SON: variants seen among roughly 807,000 people sequenced by gnomAD.
The protein encoded by SON is SON DNA and RNA binding protein, also known as protein SON.
Under a neutral mutation model 173.3 loss-of-function variants are expected in SON, and 4 were observed. The observed-to-expected ratio is 0.02, with a 90% CI of 0.01 to 0.05. SON has a LOEUF of 0.05. Ranked by LOEUF, SON falls within the 10% of genes least tolerant of loss-of-function variation. The pLI is 1.00. For synonymous variants in SON, 1,190 were observed against 1,105.9 expected (o/e 1.08, Z -1.51); for missense variants, 2,626 against 3,055.3 (o/e 0.86, Z 3.31).
chr21:33,550,792 A>G lies in SON; in HGVS notation c.1561A>G (p.Thr521Ala), dbSNP rs373026460. 4.2e-5 allele frequency: 67 copies of G among 1,613,974 alleles called. No homozygotes were observed. The highest frequency in any genetic ancestry group is 2.1e-4 in the South Asian group (19 of 91,086). ...GTTGGAGCAGCCTGTGGGGATGACA[A>G]CGGTGGAACATCCTGGGCATCCTGA... The part of the protein sequence containing the change: ...TELEQPVGMT[T>A]VEHPGHPEVT... The change falls in exon 3 of 12, where the codon ACG (threonine) becomes GCG (alanine). Residue 521 changes from threonine (T) to alanine (A), a missense_variant. Coordinates refer to ENST00000356577, the MANE Select transcript of SON (RefSeq NM_138927.4).
In SON at chr21:33,553,405, C is replaced by A. The variant is rs1308749128; in HGVS notation, c.4174C>A (p.Pro1392Thr). The A allele has an allele frequency of 3.7e-6, 6 of 1,613,740 alleles. No individual in the cohort carries two copies. The highest frequency in any genetic ancestry group is 5.1e-6 in the Non-Finnish European group (6 of 1,179,748). ...CCTGGAGCCTTCGGTTGTGACTGTC[C>A]CGGAGCCTCCTGTTGTGGCTGAGCC... ...TVLEPSVVTV[P>T]EPPVVAEPDY... Residue 1392 changes from proline to threonine, a missense_variant, in exon 3 of 12, where the codon CCG becomes ACG. Around this residue, in one of 13 missense-constraint regions of SON, gnomAD observed 1,006 missense variants for 895.6 expected, o/e 1.12. Coordinates refer to ENST00000356577, the MANE Select transcript of SON (RefSeq NM_138927.4).
chr21:33,569,951 A>AT, intron 8 of SON: 1 of 163,690 alleles, frequency 6.1e-6, no homozygotes, highest in Non-Finnish European at 1.3e-5. Flanking sequence ...CTGGTTTCAG[A>AT]TTCTGCAGTG....
intron 8 of SON, chr21:33,572,137 ACTCT>A (rs755858171): frequency 4.7e-5 from 7 of 149,404 alleles, no homozygotes; most frequent in African/African-American, 9.8e-5. Context: ...AAGTTTTTTT[ACTCT>A]CTCTGTTGAT....
intron 4 of SON, 185 bp downstream of exon 4, chr21:33,557,501 A>C: frequency 6.4e-7 from 1 of 1,550,964 alleles, no homozygotes. Context: ...GGGATGGCTA[A>C]GCTCCGCTAG....
rs879238862 is a variant in SON, at chr21:33,551,727, C to T, written c.2496C>T (p.Asp832=). The part of the protein sequence containing the change: ...DSQMLATSSM[D]SQMLATSTMD... The stretch of plus-strand genomic sequence containing the variant: ...AGATGTTAGCAACCAGCTCCATGGA[C>T]TCCCAGATGTTAGCAACCAGCACCA... Residue 832 remains aspartate, a synonymous_variant, in exon 3 of 12, where the codon GAC becomes GAT. Transcript: ENST00000356577. 3.3e-5 allele frequency: 53 copies of T among 1,612,354 alleles called. 1 individual carries two copies. In the South Asian group the frequency reaches 5.6e-4, roughly 17 times the overall value.
intron 6 of SON, among the ~76,000 whole-genome samples, chr21:33,566,421 T>G (rs1253918187): frequency 1.3e-5 from 2 of 152,070 alleles, no homozygotes; most frequent in Non-Finnish European, 2.9e-5. Flanking sequence ...AAAAAAAAGT[T>G]TCTTCCACTT....
Position 33,559,328 on chromosome 21 carries a change from T to A in SON, c.6420T>A (p.His2140Gln). 6.2e-7 allele frequency: 1 copy of A among 1,613,116 alleles called. No individual in the cohort carries two copies. The highest frequency in any genetic ancestry group is 8.5e-7 in the Non-Finnish European group (1 of 1,179,582). ...DEEEEEPPFYHHPFKLSEPKP... is the reference protein window; with the variant it reads ...DEEEEEPPFYQHPFKLSEPKP... ...AGGAAGAAGAACCTCCTTTTTATCA[T>A]CATCCCTTTAAACTCAGTGAACCCA... is the stretch of plus-strand genomic sequence containing the variant. Residue 2140 changes from histidine (H) to glutamine (Q), a missense_variant, in exon 5 of 12, where the codon CAT becomes CAA. By Grantham distance (24) the His-to-Gln change is conservative (BLOSUM62 0). This residue lies in a region of SON where 75 missense variants were observed against 201.6 expected (regional missense o/e 0.37). Transcript: ENST00000356577. This position sits in a 1 kb window ranked among gnomAD's most constrained non-coding sequence, Gnocchi z 4.1.
rs748727536 is a variant in SON at position 33,551,064 on chromosome 21, G to A, written c.1833G>A (p.Gln611=). The A allele has an allele frequency of 6.2e-7, 1 of 1,612,752 alleles. No homozygotes were observed. The highest frequency in any genetic ancestry group is 8.5e-7 in the Non-Finnish European group (1 of 1,179,428). ...MAAGALEFSG[Q]SGAAGALELL... ...CTGGGGCACTGGAGTTCTCGGGGCA[G>A]TCTGGGGCAGCTGGAGCACTGGAGC... Residue 611 remains glutamine (Q), a synonymous_variant, in exon 3 of 12, where the codon CAG becomes CAA. Coordinates refer to ENST00000356577, the MANE Select transcript of SON (RefSeq NM_138927.4).
chr21:33,575,529 C>G (rs2086380481), intron 9 of SON, 67 bp from the exon 10 acceptor site: 1 of 1,209,722 alleles, frequency 8.3e-7, no homozygotes, highest in Non-Finnish European at 1.2e-6. Flanking sequence ...GTTCAGACTC[C>G]TACAGAGGGA....
At position 33,552,784 on chromosome 21, in the gene SON, G is replaced by A. The variant is rs1449947727; in HGVS notation, c.3553G>A (p.Glu1185Lys). ...ACCAGAGGGTCCAGCATTGCCCACTGAGCAGTCAGCATTAACAGCTGAAAA... is the reference window on the plus strand; with the variant it reads ...ACCAGAGGGTCCAGCATTGCCCACTAAGCAGTCAGCATTAACAGCTGAAAA... The part of the protein sequence containing the change: ...EPPEGPALPT[E>K]QSALTAENTW... Residue 1185 changes from glutamate to lysine, a missense_variant, in exon 3 of 12, where the codon GAG becomes AAG. This residue lies in a region of SON where 1,006 missense variants were observed against 895.6 expected (regional missense o/e 1.12). Coordinates refer to ENST00000356577, the MANE Select transcript of SON (RefSeq NM_138927.4). This position sits in a 1 kb window ranked among gnomAD's most constrained non-coding sequence, Gnocchi z 5.6. The A allele has an allele frequency of 1.2e-6, 2 of 1,613,668 alleles. No individual in the cohort carries two copies. Among genetic ancestry groups the A allele is most frequent in the Non-Finnish European group, 1.7e-6 (2 of 1,180,040 alleles).
chr21:33,567,886 C>G (rs574478961), intron 7 of SON, among the ~76,000 whole-genome samples: 14 of 152,142 alleles, frequency 9.2e-5, no homozygotes, highest in Admixed American at 7.9e-4. Context: ...GTACTCCAGC[C>G]TGGGCAACAG....
rs779497237 is a variant in SON, at chr21:33,550,325, C to T, written c.1094C>T (p.Pro365Leu). 2 of 1,614,022 alleles carry T rather than the reference C, an allele frequency of 1.2e-6. No individual in the cohort carries two copies. The highest frequency in any genetic ancestry group is 2.2e-5 in the East Asian group (1 of 44,878). ...MTRPQELPELPKTTALELQES... is the reference protein window; with the variant it reads ...MTRPQELPELLKTTALELQES... ...AGACCGCAGGAGTTGCCGGAGCTGC[C>T]TAAGACCACAGCGTTGGAGCTGCAG... Residue 365 changes from proline (P) to leucine (L), a missense_variant, in exon 3 of 12, where the codon CCT becomes CTT. Pro to Leu is a moderately conservative substitution (Grantham distance 98). This residue lies in a region of SON where 757 missense variants were observed against 730.1 expected (regional missense o/e 1.04). Coordinates refer to ENST00000356577, the MANE Select transcript of SON (RefSeq NM_138927.4).
Position 33,543,064 on chromosome 21 carries a change from G to A in SON, c.-29G>A, listed in dbSNP as rs758341601. ...TGCTGGGAGCCTGGAGGACTAGCGA[G>A]GAGGAGTTGAGAGAACGGAGCGGAC... is the stretch of plus-strand genomic sequence containing the variant. On this transcript the variant is annotated 5_prime_UTR_variant, in exon 1 of 12. Coordinates refer to ENST00000356577, the MANE Select transcript of SON (RefSeq NM_138927.4). 12 of 1,609,320 alleles carry A rather than the reference G, an allele frequency of 7.5e-6. No homozygotes were observed. The highest frequency in any genetic ancestry group is 2.2e-5 in the East Asian group (1 of 44,888).
At chr21:33,563,181 T>G (rs2145858786) in intron 6 of SON, among the ~76,000 whole-genome samples, 1 of 152,290 alleles carries the variant, frequency 6.6e-6, no homozygotes, top group South Asian at 2.1e-4. Flanking sequence ...CCTTCCTAGA[T>G]TCTCTTATGT....
intron 8 of SON, 200 bp downstream of exon 8, chr21:33,569,287 G>T: frequency 1.9e-6 from 1 of 524,896 alleles, no homozygotes; most frequent in East Asian, 3.4e-5. Flanking sequence ...TGGCTCAAGA[G>T]CCACTAACTT....
Position 33,555,395 on chromosome 21 carries a change from A to ATCT in SON, c.6160+4_6160+5insTCT. 2.0e-6 allele frequency: 3 copies of ATCT among 1,507,142 alleles called. No individual in the cohort carries two copies. Among genetic ancestry groups the ATCT allele is most frequent in the Non-Finnish European group, 1.8e-6 (2 of 1,123,142 alleles). The allele number at this position is 1,507,142 out of a possible 1,614,324, so 93.4% of individuals were successfully genotyped here. Reference sequence around the variant, plus strand: ...CCCAAACGTCTGACAGATTTGGGTGAGTCATTTTAAAGTTTAATGGGATGG... The same window carrying ATCT: ...CCCAAACGTCTGACAGATTTGGGTGATCTGTCATTTTAAAGTTTAATGGGATGG... On this transcript the variant is annotated splice_donor_region_variant and intron_variant, in intron 3 of 11. Transcript: ENST00000356577.
chr21:33,564,348 G>A (rs2086123952), intron 6 of SON, among the ~76,000 whole-genome samples: 2 of 152,178 alleles, frequency 1.3e-5, no homozygotes, highest in African/African-American at 4.8e-5. Context: ...CTAAAGGGTA[G>A]CTGTGGTATT....
intron 6 of SON, among the ~76,000 whole-genome samples, chr21:33,561,953 G>C (rs528626080): frequency 6.6e-6 from 1 of 152,224 alleles, no homozygotes; most frequent in East Asian, 1.9e-4. Flanking sequence ...GTAACTATTT[G>C]ATATAAAACC....
chr21:33,572,378 C>G, intron 8 of SON: 1 of 317,174 alleles, frequency 3.2e-6, no homozygotes, highest in Non-Finnish European at 6.5e-6. Context: ...TATTTCTTAA[C>G]CTGTAAAAAT....
Sources: allele counts gnomAD v4.1 joint callset (sites outside exome capture counted in the v4.1 genomes callset), GRCh38; gene constraint gnomAD v4.1.1; regional missense constraint gnomAD v4.1.1; non-coding constraint Gnocchi (gnomAD v3.1); transcripts MANE v1.5; gene names NCBI Gene and HGNC (gene_info 2026-07-23, HGNC 2026-07-21).